Variants in SBNO2 observed in about 807,000 individuals in gnomAD.
The protein encoded by SBNO2 is protein strawberry notch homolog 2.
In SBNO2, 89 loss-of-function variants were observed where a neutral mutation model predicts 146.3. That is an observed-to-expected ratio of 0.61 (90% CI 0.51 to 0.73). The LOEUF (loss-of-function observed/expected upper bound fraction) is 0.73, where lower values mean the gene tolerates loss of function less well. Ranked by LOEUF, SBNO2 falls within the 30% of genes least tolerant of loss-of-function variation. The probability of loss-of-function intolerance (pLI) is 0.00; values close to 1 mark genes in which losing one functional copy is unlikely to be tolerated. For synonymous variants in SBNO2, 1,147 were observed against 892.6 expected (o/e 1.29, Z -5.08); for missense variants, 2,092 against 2,003.7 (o/e 1.04, Z -0.84).
In SBNO2 at chr19:1,111,356, C is replaced by T. The variant is rs147283234; in HGVS notation, c.2809+150G>A. On this transcript the variant is annotated intron_variant, in intron 24 of 31. Transcript: ENST00000361757. ...CAGCTGCTGGGGGCCGCCTTGGCTC[C>T]CTTTGCCTTCACAGCCCTCTCTGTC... The T allele has an allele frequency of 6.0e-5, 43 of 722,530 alleles. No homozygotes were observed. In the African/African-American group the frequency reaches 7.1e-4, roughly 12 times the overall value. The allele number at this position is 722,530 out of a possible 1,614,324, so 44.8% of individuals were successfully genotyped here. A position where few individuals can be genotyped will look rare whatever the true frequency, so the allele number is the denominator to read the frequency against.
rs1377046098 is a variant in SBNO2 at position 1,126,574 on chromosome 19, AGCCACCCACCGTGG to A, written c.441+1016_441+1029del. On this transcript the variant is annotated intron_variant, in intron 5 of 31. Coordinates refer to ENST00000361757, the MANE Select transcript of SBNO2 (RefSeq NM_014963.3). The surrounding 1 kb of genome is among the most constrained non-coding windows in gnomAD (Gnocchi z 4.4). Reference sequence around the variant, plus strand: ...GATGCTTCCTGAGCCGCCCACCGTGAGCCACCCACCGTGGCTGCGGGGTGCCCTGATGCTTCCTG... The same window carrying A: ...GATGCTTCCTGAGCCGCCCACCGTGACTGCGGGGTGCCCTGATGCTTCCTG... Among the ~76,000 whole-genome samples, 1 of 151,250 alleles carries A rather than the reference AGCCACCCACCGTGG, an allele frequency of 6.6e-6. No homozygotes were observed. The highest frequency in any genetic ancestry group is 1.5e-5 in the Non-Finnish European group (1 of 67,740).
chr19:1,149,538 G>T, intron 2 of SBNO2, 96 bp from the exon 3 acceptor site: 1 of 1,147,060 alleles, frequency 8.7e-7, no homozygotes, highest in Non-Finnish European at 1.3e-6. Flanking sequence ...CGAGAGGCTA[G>T]GGAGGCCCCG....
rs1342135640 is a variant in SBNO2 at position 1,107,643 on chromosome 19, G to T, written c.*577C>A. On this transcript the variant is annotated 3_prime_UTR_variant, in exon 32 of 32. Transcript: ENST00000361757. ...TGAGGAGCAGACTCCGTGGGAAGTA[G>T]GCAAAAGGCACATATATTTAAAAAA... The T allele has an allele frequency of 6.6e-6, 1 of 152,514 alleles. No individual in the cohort carries two copies. Among genetic ancestry groups the T allele is most frequent in the Non-Finnish European group, 1.5e-5 (1 of 68,064 alleles). 9.4% of individuals were successfully genotyped at this position (152,514 alleles called of 1,614,324 possible).
At chr19:1,133,343 C>A (rs1390591130) in intron 4 of SBNO2, among the ~76,000 whole-genome samples, 9 of 152,154 alleles carry the variant, frequency 5.9e-5, no homozygotes, top group African/African-American at 9.7e-5. Flanking sequence ...CCAGGGGAGC[C>A]CGTGGCTGGG....
rs1055484959 is a variant in SBNO2 at position 1,157,485 on chromosome 19, G to C, written c.-126-3083C>G. Among the ~76,000 whole-genome samples, 1 of 151,796 alleles carries C rather than the reference G, an allele frequency of 6.6e-6. No individual in the cohort carries two copies. The highest frequency in any genetic ancestry group is 1.5e-5 in the Non-Finnish European group (1 of 67,932). ...CCTCAGAGCCACGGGCCAGCCAAAC[G>C]TCCAGCGGGCAGCAGAGCGTGTCCC... On this transcript the variant is annotated intron_variant, in intron 1 of 31. Coordinates refer to ENST00000361757, the MANE Select transcript of SBNO2 (RefSeq NM_014963.3). This position sits in a 1 kb window ranked among gnomAD's most constrained non-coding sequence, Gnocchi z 6.8.
intron 4 of SBNO2, among the ~76,000 whole-genome samples, chr19:1,146,901 G>A (rs1220026645): frequency 6.6e-6 from 1 of 152,124 alleles, no homozygotes; most frequent in African/African-American, 2.4e-5. Flanking sequence ...TGTTCCTTTG[G>A]TATGTGAGTT....
intron 1 of SBNO2, 33 bp from the exon 2 acceptor site, chr19:1,154,435 C>G (rs930409588): frequency 5.0e-6 from 2 of 397,494 alleles, no homozygotes; most frequent in African/African-American, 2.1e-5. Context: ...CCTGAGAGTC[C>G]AACGGTGGTG....
At chr19:1,117,265 C>G in intron 15 of SBNO2, 58 bp downstream of exon 15, 1 of 1,472,800 alleles carries the variant, frequency 6.8e-7, no homozygotes, top group Non-Finnish European at 9.1e-7. Flanking sequence ...GGAAGAAGAG[C>G]AGCCTCCGCC....
intron 11 of SBNO2, among the ~76,000 whole-genome samples, chr19:1,121,364 G>C (rs1219750024): frequency 6.6e-6 from 1 of 152,196 alleles, no homozygotes. Flanking sequence ...TTGTTCAGCC[G>C]GGTGCGAAGA....
rs997933960 is a variant in SBNO2 at position 1,118,686 on chromosome 19, T to C, written c.1527+325A>G. 1.6e-4 allele frequency among the ~76,000 whole-genome samples: 25 copies of C among 152,294 alleles called. No individual in the cohort carries two copies. In the East Asian group the frequency reaches 2.1e-3, roughly 13 times the overall value. On this transcript the variant is annotated intron_variant, in intron 14 of 31. Coordinates refer to ENST00000361757, the MANE Select transcript of SBNO2 (RefSeq NM_014963.3). ...GAGTTTGAAACCAACCTGGCCAACA[T>C]GGAGAAACACCGTTCTCTACCAAAA...
intron 4 of SBNO2, among the ~76,000 whole-genome samples, chr19:1,142,138 C>A (rs2080145002): frequency 6.9e-6 from 1 of 143,898 alleles, no homozygotes; most frequent in African/African-American, 2.7e-5. Flanking sequence ...CCTCAATGAC[C>A]TCCCTCCCCA....
At chr19:1,167,588 C>A (rs1238289249) in intron 1 of SBNO2, among the ~76,000 whole-genome samples, 1 of 152,226 alleles carries the variant, frequency 6.6e-6, no homozygotes, top group Admixed American at 6.5e-5. Flanking sequence ...TCTGACCTGA[C>A]CTCCCCTCCT....
At chr19:1,132,236 G>A (rs996249460) in intron 4 of SBNO2, 6 of 1,302,520 alleles carry the variant, frequency 4.6e-6, no homozygotes, top group African/African-American at 1.5e-5. Context: ...CGGCCGGGGC[G>A]GACGGGGGCG....
At chr19:1,138,298 G>A (rs1295847468) in intron 4 of SBNO2, among the ~76,000 whole-genome samples, 2 of 150,974 alleles carry the variant, frequency 1.3e-5, no homozygotes, top group South Asian at 2.1e-4. Context: ...GAGAGCCTGG[G>A]GGTGGGGCCG....
At chr19:1,119,690 A>C in intron 12 of SBNO2, 69 bp from the exon 13 acceptor site, 1 of 1,366,164 alleles carries the variant, frequency 7.3e-7, no homozygotes, top group Non-Finnish European at 1.0e-6. Context: ...GGGACGACTA[A>C]GTTGGGACCA....
At chr19:1,113,001 A>T (rs1315375196) in intron 19 of SBNO2, 52 bp from the exon 20 acceptor site, 5 of 1,511,374 alleles carry the variant, frequency 3.3e-6, no homozygotes, top group Non-Finnish European at 4.4e-6. Context: ...GCCTCGCAGG[A>T]GTCTGGCCAC....
At chr19:1,167,620 G>A (rs564334344) in intron 1 of SBNO2, among the ~76,000 whole-genome samples, 1 of 152,304 alleles carries the variant, frequency 6.6e-6, no homozygotes, top group African/African-American at 2.4e-5. Flanking sequence ...AGGGTCCCAC[G>A]CATGAGGACA....
Position 1,108,584 on chromosome 19 carries a change from G to C in SBNO2, c.3737C>G (p.Pro1246Arg), listed in dbSNP as rs2079705019. The C allele has an allele frequency of 7.9e-7, 1 of 1,269,990 alleles. No individual in the cohort carries two copies. The allele number at this position is 1,269,990 out of a possible 1,614,324, so 78.7% of individuals were successfully genotyped here. The change falls in exon 32 of 32, where the codon CCG becomes CGG. Residue 1246 changes from proline (P) to arginine (R), a missense_variant. Coordinates refer to ENST00000361757, the MANE Select transcript of SBNO2 (RefSeq NM_014963.3). Reference sequence around the variant, plus strand: ...TCCGGGGCCGCAAGGCAGCGCCAGCGGGCGCGGGGCGGGCGGGGCGGGGCA... The same window carrying C: ...TCCGGGGCCGCAAGGCAGCGCCAGCCGGCGCGGGGCGGGCGGGGCGGGGCA... ...LGCPAPPAPR[P>R]LALPCGPGEV... is the part of the protein sequence containing the mutation.
rs577453753 is a variant in SBNO2, at chr19:1,172,709, C to T, written c.-127+1463G>A. 1.1e-4 allele frequency among the ~76,000 whole-genome samples: 16 copies of T among 150,798 alleles called. No individual in the cohort carries two copies. In the South Asian group the frequency reaches 3.2e-3, roughly 30 times the overall value. On this transcript the variant is annotated intron_variant, in intron 1 of 31. Transcript: ENST00000361757. ...CACGGGGTCTGCGGCCCTGGGTCCTCGGCCCCTCCCATGCTCTTCTCTTGA... is the reference window on the plus strand; with the variant it reads ...CACGGGGTCTGCGGCCCTGGGTCCTTGGCCCCTCCCATGCTCTTCTCTTGA...
Sources: gnomAD v4.1 joint callset for allele counts (sites outside exome capture counted in the v4.1 genomes callset) on GRCh38, gnomAD v4.1.1 for gene constraint, Gnocchi (gnomAD v3.1) non-coding constraint, MANE v1.5 for transcripts, NCBI Gene and HGNC (gene_info 2026-07-23, HGNC 2026-07-21) for gene names.